CAP2: variants seen among roughly 807,000 people sequenced by gnomAD.
CAP2 encodes cyclase associated actin cytoskeleton regulatory protein 2.
CAP2 carries 24 observed loss-of-function variants against 57.7 expected under a neutral mutation model. That is an observed-to-expected ratio of 0.42 (90% CI 0.30 to 0.58). The LOEUF (loss-of-function observed/expected upper bound fraction) is 0.58, where lower values mean the gene tolerates loss of function less well. Among genes scored for constraint, CAP2 ranks in the 20% least tolerant of loss-of-function variants. The pLI, the probability that CAP2 is intolerant of heterozygous loss-of-function variation, is 0.22. For missense variants in CAP2, 501 were observed against 590.3 expected (o/e 0.85, Z 1.57); for synonymous variants, 194 against 207.2 (o/e 0.94, Z 0.55).
chr6:17,507,776 C>A, intron 6 of CAP2, 50 bp downstream of exon 6: 3 of 1,005,322 alleles, frequency 3.0e-6, no homozygotes, highest in Non-Finnish European at 4.8e-6. Context: ...ACTTGTTAGA[C>A]ATTTGTCCCT....
chr6:17,440,345 T>C (rs567867656), intron 3 of CAP2, among the ~76,000 whole-genome samples: 2 of 151,710 alleles, frequency 1.3e-5, no homozygotes, highest in East Asian at 3.9e-4. Flanking sequence ...CTGATTTCTG[T>C]GTGTTAATTT....
At chr6:17,433,882 A>G (rs1403984907) in intron 3 of CAP2, among the ~76,000 whole-genome samples, 1 of 152,196 alleles carries the variant, frequency 6.6e-6, no homozygotes, top group African/African-American at 2.4e-5. Context: ...AGAGCATACA[A>G]TCCTCATCTA....
Position 17,541,007 on chromosome 6 carries a change from C to CA in CAP2, c.866dup (p.Asn289LysfsTer26). On this transcript the variant is annotated frameshift_variant, in exon 9 of 13. Transcript: ENST00000229922. LOFTEE classifies it high-confidence loss of function. ...ATGTCACAGATGACCAGAAGACATACAAAAATCCCAGCCTGCGGGCTCAAG... is the reference window on the plus strand; with the variant it reads ...ATGTCACAGATGACCAGAAGACATACAAAAAATCCCAGCCTGCGGGCTCAAG... The CA allele has an allele frequency of 6.2e-7, 1 of 1,614,030 alleles. No individual in the cohort carries two copies.
At chr6:17,496,032 G>GGGGA (rs1761660418) in intron 4 of CAP2, among the ~76,000 whole-genome samples, 2 of 132,664 alleles carry the variant, frequency 1.5e-5, no homozygotes, top group Non-Finnish European at 3.2e-5. Context: ...GTGGGTGGGG[G>GGGGA]GGGGGGGTAA....
chr6:17,458,105 A>G (rs1207337154), intron 3 of CAP2, among the ~76,000 whole-genome samples: 1 of 152,240 alleles, frequency 6.6e-6, no homozygotes, highest in Non-Finnish European at 1.5e-5. Context: ...AGTCCTTCTG[A>G]ATCACTGAAA....
chr6:17,441,494 T>C (rs553116698), intron 3 of CAP2, among the ~76,000 whole-genome samples: 1 of 151,774 alleles, frequency 6.6e-6, no homozygotes, highest in East Asian at 1.9e-4. Flanking sequence ...ATTGTCGTTT[T>C]TACTTTGAGA....
At chr6:17,482,253 G>A (rs190696955) in intron 4 of CAP2, among the ~76,000 whole-genome samples, 48 of 152,232 alleles carry the variant, frequency 3.2e-4, no homozygotes, top group Admixed American at 1.4e-3. Flanking sequence ...TAGGCTGGGC[G>A]CGGTGGCTCA....
At chr6:17,415,940 G>T (rs1217004048) in intron 1 of CAP2, among the ~76,000 whole-genome samples, 1 of 152,012 alleles carries the variant, frequency 6.6e-6, no homozygotes, top group Non-Finnish European at 1.5e-5. Context: ...CACAAGATGG[G>T]TTGGGTGAAG....
At chr6:17,472,801 C>G (rs772569494) in intron 4 of CAP2, among the ~76,000 whole-genome samples, 2 of 152,162 alleles carry the variant, frequency 1.3e-5, no homozygotes, top group Non-Finnish European at 2.9e-5. Context: ...GGGCTGAATC[C>G]CAACAGGAAA....
chr6:17,543,074 A>G lies in CAP2; in HGVS notation c.1140A>G (p.Lys380=), dbSNP rs753922328. Residue 380 remains lysine (K), a synonymous_variant, in exon 11 of 13, where the codon AAA becomes AAG. Transcript: ENST00000229922. The stretch of plus-strand genomic sequence containing the variant: ...TTCTCCCCACAGACAACTGTAAAAA[A>G]CTCGGCCTGGTGTTTGACAATGTGG... ...VNSIIIDNCK[K]LGLVFDNVVG... is the part of the protein sequence containing the mutation. The G allele has an allele frequency of 2.3e-5, 37 of 1,613,860 alleles. No homozygotes were observed. The South Asian group carries it at 3.7e-4, about 16-fold the overall frequency.
intron 2 of CAP2, among the ~76,000 whole-genome samples, chr6:17,421,934 G>A (rs1423520892): frequency 6.6e-6 from 1 of 152,248 alleles, no homozygotes; most frequent in Non-Finnish European, 1.5e-5. Flanking sequence ...CCAGGCTGGA[G>A]TGCAGTGGTG....
chr6:17,396,607 A>C (rs1203255512), intron 1 of CAP2, among the ~76,000 whole-genome samples: 1 of 152,230 alleles, frequency 6.6e-6, no homozygotes, highest in Non-Finnish European at 1.5e-5. Context: ...AAATGTATAC[A>C]GCTAGAAAGT....
intron 3 of CAP2, among the ~76,000 whole-genome samples, chr6:17,455,597 G>A (rs1232423016): frequency 6.6e-6 from 1 of 151,362 alleles, no homozygotes; most frequent in Non-Finnish European, 1.5e-5. Flanking sequence ...GTGCAGTGGT[G>A]CAATCTCAGC....
rs570095738 is a variant in CAP2 at position 17,429,777 on chromosome 6, G to A, written c.222+3087G>A. Among the ~76,000 whole-genome samples, 121 of 152,296 alleles carry A rather than the reference G, an allele frequency of 7.9e-4. 2 individuals carry two copies. In the South Asian group the frequency reaches 0.024, roughly 31 times the overall value. On this transcript the variant is annotated intron_variant, in intron 3 of 12. Coordinates refer to ENST00000229922, the MANE Select transcript of CAP2 (RefSeq NM_006366.3). Reference sequence around the variant, plus strand: ...GAAACACTTGTCATCTGAAAGTTTAGACTCCAGCTCTACAACACAAAGAAA... The same window carrying A: ...GAAACACTTGTCATCTGAAAGTTTAAACTCCAGCTCTACAACACAAAGAAA...
chr6:17,531,638 G>A (rs920898183), intron 7 of CAP2: 1 of 1,159,266 alleles, frequency 8.6e-7, no homozygotes, highest in African/African-American at 1.5e-5. Flanking sequence ...ACCTTCCATG[G>A]TTCCAGCCAG....
At chr6:17,455,697 G>C (rs776517448) in intron 3 of CAP2, among the ~76,000 whole-genome samples, 2 of 152,098 alleles carry the variant, frequency 1.3e-5, no homozygotes, top group East Asian at 3.9e-4. Context: ...CACCATGCCC[G>C]GCTAATTTTT....
At chr6:17,543,005 A>G (rs1353952174) in intron 10 of CAP2, 45 bp downstream of exon 10, 1 of 1,612,674 alleles carries the variant, frequency 6.2e-7, no homozygotes, top group Non-Finnish European at 8.5e-7. Context: ...TGTTTTATAA[A>G]CAAGCTGTAT....
At chr6:17,552,419 C>G (rs1032827151) in intron 12 of CAP2, among the ~76,000 whole-genome samples, 1 of 152,200 alleles carries the variant, frequency 6.6e-6, no homozygotes, top group African/African-American at 2.4e-5. Context: ...GAGGCAGAGG[C>G]GGGCAGATCA....
intron 7 of CAP2, among the ~76,000 whole-genome samples, chr6:17,516,862 G>A (rs1762283749): frequency 6.6e-6 from 1 of 151,946 alleles, no homozygotes; most frequent in African/African-American, 2.4e-5. Flanking sequence ...CAAGACTGAT[G>A]TTTCTTTTTA....
Sources: allele counts gnomAD v4.1 joint callset (sites outside exome capture counted in the v4.1 genomes callset), GRCh38; gene constraint gnomAD v4.1.1; transcripts MANE v1.5; gene names NCBI Gene and HGNC (gene_info 2026-07-23, HGNC 2026-07-21).